DMRT1: variants seen among roughly 807,000 people sequenced by gnomAD.
DMRT1 encodes doublesex and mab-3 related transcription factor 1, also known as doublesex- and mab-3-related transcription factor 1.
Under a neutral mutation model 32.3 loss-of-function variants are expected in DMRT1, and 7 were observed. That is an observed-to-expected ratio of 0.22 (90% CI 0.12 to 0.41). The LOEUF is 0.41. DMRT1 is among the 10% of genes least tolerant of loss of function. The probability of loss-of-function intolerance (pLI) is 1.00; values close to 1 mark genes in which losing one functional copy is unlikely to be tolerated. For missense variants in DMRT1, 625 were observed against 500.5 expected (o/e 1.25, Z -2.37); for synonymous variants, 278 against 206.1 (o/e 1.35, Z -2.99).
In DMRT1 at chr9:919,617, A is replaced by C. The variant is rs1818292214; in HGVS notation, c.967+2710A>C. Among the ~76,000 whole-genome samples, 3 of 152,280 alleles carry C rather than the reference A, an allele frequency of 2.0e-5. No homozygotes were observed. The South Asian group carries it at 6.2e-4, about 32-fold the overall frequency. On this transcript the variant is annotated intron_variant, in intron 4 of 4. Coordinates refer to ENST00000382276, the MANE Select transcript of DMRT1 (RefSeq NM_021951.3). ...TGGAAACAATTAGGCTTTTATTTCA[A>C]GTGAGATGGGGAGCCATAGCAGGGT...
intron 2 of DMRT1, among the ~76,000 whole-genome samples, chr9:851,190 G>T (rs1182476482): frequency 6.6e-6 from 1 of 152,098 alleles, no homozygotes; most frequent in Non-Finnish European, 1.5e-5. Flanking sequence ...AATACCTGAT[G>T]TCTAGTGTTT....
intron 2 of DMRT1, among the ~76,000 whole-genome samples, chr9:851,151 T>G (rs1839133474): frequency 6.6e-6 from 1 of 151,984 alleles, no homozygotes; most frequent in South Asian, 2.1e-4. Flanking sequence ...TGGCACACCT[T>G]GGGGCAAGTT....
At chr9:884,326 C>T (rs1816842419) in intron 2 of DMRT1, among the ~76,000 whole-genome samples, 1 of 151,460 alleles carries the variant, frequency 6.6e-6, no homozygotes, top group African/African-American at 2.4e-5. Flanking sequence ...GGTATTGATC[C>T]CTCATGAAGG....
At chr9:877,167 A>G (rs569811062) in intron 2 of DMRT1, among the ~76,000 whole-genome samples, 5 of 152,208 alleles carry the variant, frequency 3.3e-5, no homozygotes, top group African/African-American at 1.2e-4. Flanking sequence ...GGTAAAAATG[A>G]TGGTTGAAAG....
chr9:848,175 T>C (rs955955998), intron 2 of DMRT1, among the ~76,000 whole-genome samples: 1 of 152,206 alleles, frequency 6.6e-6, no homozygotes, highest in African/African-American at 2.4e-5. Flanking sequence ...AATTACTCCA[T>C]TTGCTGGGCT....
chr9:901,620 C>T (rs111599022), intron 3 of DMRT1, among the ~76,000 whole-genome samples: 6 of 152,122 alleles, frequency 3.9e-5, no homozygotes, highest in African/African-American at 1.4e-4. Flanking sequence ...AGCCACCGCG[C>T]CCGGCTGCCT....
chr9:941,809 CTTTA>C (rs1002532861), intron 4 of DMRT1, among the ~76,000 whole-genome samples: 3 of 152,082 alleles, frequency 2.0e-5, no homozygotes, highest in Admixed American at 6.5e-5. Context: ...ATTATTTTCT[CTTTA>C]TTTATGTAGT....
chr9:861,050 C>A, intron 2 of DMRT1, among the ~76,000 whole-genome samples: 1 of 121,368 alleles, frequency 8.2e-6, no homozygotes, highest in Non-Finnish European at 1.8e-5. Context: ...AATTTACTTT[C>A]TTTTTTTTTT....
chr9:949,170 T>G (rs1325644200), intron 4 of DMRT1, among the ~76,000 whole-genome samples: 1 of 152,034 alleles, frequency 6.6e-6, no homozygotes, highest in South Asian at 2.1e-4. Flanking sequence ...GCCAGGAGTT[T>G]AAGATCAGCC....
At chr9:934,819 A>G (rs1296166444) in intron 4 of DMRT1, among the ~76,000 whole-genome samples, 3 of 152,208 alleles carry the variant, frequency 2.0e-5, no homozygotes, top group Non-Finnish European at 2.9e-5. Context: ...GACACTTTCG[A>G]TGACTGTGGC....
At chr9:957,854 A>C (rs1564276720) in intron 4 of DMRT1, among the ~76,000 whole-genome samples, 1 of 152,290 alleles carries the variant, frequency 6.6e-6, no homozygotes, top group East Asian at 1.9e-4. Flanking sequence ...TACTAAAAAT[A>C]CAAAAATTAG....
chr9:901,013 AATT>A (rs1025467160), intron 3 of DMRT1, among the ~76,000 whole-genome samples: 7 of 147,486 alleles, frequency 4.7e-5, no homozygotes, highest in Non-Finnish European at 8.9e-5. Context: ...TTTTTTTTTT[AATT>A]ATTATTATTT....
chr9:896,773 A>G (rs557806809), intron 3 of DMRT1, among the ~76,000 whole-genome samples: 1 of 151,764 alleles, frequency 6.6e-6, no homozygotes, highest in South Asian at 2.1e-4. Context: ...AGATCGCGCC[A>G]TTGTACTCCA....
intron 4 of DMRT1, among the ~76,000 whole-genome samples, chr9:962,164 C>T (rs981529887): frequency 2.0e-5 from 3 of 152,136 alleles, no homozygotes; most frequent in Non-Finnish European, 2.9e-5. Context: ...TCACCAAATG[C>T]GACACCCCTG....
At chr9:957,187 G>A (rs770499229) in intron 4 of DMRT1, among the ~76,000 whole-genome samples, 26 of 152,188 alleles carry the variant, frequency 1.7e-4, no homozygotes, top group Non-Finnish European at 3.8e-4. Flanking sequence ...TAAAATACCT[G>A]TTGAAACATG....
chr9:939,496 C>T (rs546302891), intron 4 of DMRT1, among the ~76,000 whole-genome samples: 1 of 152,306 alleles, frequency 6.6e-6, no homozygotes, highest in Non-Finnish European at 1.5e-5. Flanking sequence ...TATGAAACTT[C>T]CCCACACATG....
intron 3 of DMRT1, among the ~76,000 whole-genome samples, chr9:913,773 G>C (rs777712559): frequency 4.2e-4 from 64 of 152,248 alleles, no homozygotes; most frequent in Non-Finnish European, 7.9e-4. Context: ...CATGTCTGTA[G>C]AGTAGGCTAC....
chr9:904,509 T>G (rs1817697697), intron 3 of DMRT1, among the ~76,000 whole-genome samples: 2 of 152,210 alleles, frequency 1.3e-5, no homozygotes, highest in South Asian at 4.1e-4. Context: ...CCAAAAAATA[T>G]CCACTGTATT....
intron 3 of DMRT1, 68 bp from the exon 4 acceptor site, chr9:916,695 G>C: frequency 6.3e-7 from 1 of 1,574,816 alleles, no homozygotes; most frequent in Non-Finnish European, 8.7e-7. Context: ...TAAAGAACTA[G>C]ATAATTATTG....
Sources: allele counts gnomAD v4.1 joint callset (sites outside exome capture counted in the v4.1 genomes callset), GRCh38; gene constraint gnomAD v4.1.1; transcripts MANE v1.5; gene names NCBI Gene and HGNC (gene_info 2026-07-23, HGNC 2026-07-21).